MOSMO: variants seen among roughly 807,000 people sequenced by gnomAD.
MOSMO encodes modulator of smoothened protein.
In MOSMO, 5 loss-of-function variants were observed where a neutral mutation model predicts 18.4. That is an observed-to-expected ratio of 0.27 (90% CI 0.14 to 0.57). The LOEUF is 0.57. Ranked by LOEUF, MOSMO falls within the 20% of genes least tolerant of loss-of-function variation. The pLI is 0.92. For synonymous variants in MOSMO, 82 were observed against 82.3 expected (o/e 1.00, Z 0.02); for missense variants, 138 against 211.8 (o/e 0.65, Z 2.16).
At chr16:22,009,804 C>CAAAAAAAAAAAAAAAAAA (rs56313303) in intron 1 of MOSMO, among the ~76,000 whole-genome samples, 2 of 35,966 alleles carry the variant, frequency 5.6e-5, no homozygotes, top group African/African-American at 1.3e-4. Context: ...ACTAAAAATA[C>CAAAAAAAAAAAAAAAAAA]AAAAAAAAAA....
intron 1 of MOSMO, among the ~76,000 whole-genome samples, chr16:22,012,055 C>T (rs1899542892): frequency 6.6e-6 from 1 of 152,064 alleles, no homozygotes; most frequent in African/African-American, 2.4e-5. Context: ...ACAAAAGCCA[C>T]TTAACCTGGC....
intron 1 of MOSMO, among the ~76,000 whole-genome samples, chr16:22,060,205 A>C (rs1383075753): frequency 6.6e-6 from 1 of 152,160 alleles, no homozygotes; most frequent in African/African-American, 2.4e-5. Context: ...TGGACTCAAA[A>C]TATAAAACAT....
Position 22,083,066 on chromosome 16 carries a change from A to C in MOSMO, c.*2186A>C, listed in dbSNP as rs1567517248. On this transcript the variant is annotated 3_prime_UTR_variant, in exon 3 of 3. Coordinates refer to ENST00000542527, the MANE Select transcript of MOSMO (RefSeq NM_001164579.2). ...GTCACCGTTATATACCACTGAGATA[A>C]AGTGTTAGCAAAGTATGGTTCAAAT... 6.6e-6 allele frequency: 1 copy of C among 152,206 alleles called. No homozygotes were observed. The highest frequency in any genetic ancestry group is 2.4e-5 in the African/African-American group (1 of 41,458). The allele number at this position is 152,206 out of a possible 1,614,324, so 9.4% of individuals were successfully genotyped here.
At chr16:22,045,974 C>T (rs546208177) in intron 1 of MOSMO, among the ~76,000 whole-genome samples, 41 of 151,880 alleles carry the variant, frequency 2.7e-4, no homozygotes, top group Non-Finnish European at 4.9e-4. Context: ...TGTGCCGCAC[C>T]CAGTAACTCG....
At chr16:22,064,895 TTTTC>T (rs1048791042) in intron 1 of MOSMO, among the ~76,000 whole-genome samples, 2 of 152,178 alleles carry the variant, frequency 1.3e-5, no homozygotes, top group African/African-American at 4.8e-5. Flanking sequence ...CTTCCACATA[TTTTC>T]TATACATTAT....
intron 1 of MOSMO, among the ~76,000 whole-genome samples, chr16:22,074,223 C>A (rs1598025478): frequency 6.6e-6 from 1 of 152,260 alleles, no homozygotes; most frequent in Admixed American, 6.5e-5. Flanking sequence ...TTGTTCGTGG[C>A]AAGTGCTATG....
chr16:22,088,640 T>C (rs1452816191), downstream of MOSMO, among the ~76,000 whole-genome samples: 1 of 152,204 alleles, frequency 6.6e-6, no homozygotes, highest in Non-Finnish European at 1.5e-5. Flanking sequence ...TAACAGTAAA[T>C]TCATGTGTTA....
chr16:22,043,152 T>C (rs1463407260), intron 1 of MOSMO, among the ~76,000 whole-genome samples: 1 of 152,232 alleles, frequency 6.6e-6, no homozygotes, highest in Non-Finnish European at 1.5e-5. Context: ...ATTTAACATA[T>C]GGAAAATTTT....
At chr16:22,060,230 C>T (rs979691040) in intron 1 of MOSMO, among the ~76,000 whole-genome samples, 1 of 151,978 alleles carries the variant, frequency 6.6e-6, no homozygotes, top group Non-Finnish European at 1.5e-5. Context: ...CCTTCAAGAG[C>T]CATTGCTAAG....
At chr16:22,064,911 TG>T (rs1900720373) in intron 1 of MOSMO, among the ~76,000 whole-genome samples, 1 of 152,186 alleles carries the variant, frequency 6.6e-6, no homozygotes, top group Non-Finnish European at 1.5e-5. Flanking sequence ...ATACATTATA[TG>T]GATAGTTTAA....
At chr16:22,023,075 CTG>C (rs1899797422) in intron 1 of MOSMO, among the ~76,000 whole-genome samples, 3 of 152,230 alleles carry the variant, frequency 2.0e-5, no homozygotes, top group East Asian at 1.9e-4. Flanking sequence ...ATGTGAGACT[CTG>C]TTTTTTTATT....
chr16:22,037,448 C>T (rs1900129881), intron 1 of MOSMO, among the ~76,000 whole-genome samples: 1 of 152,136 alleles, frequency 6.6e-6, no homozygotes, highest in South Asian at 2.1e-4. Context: ...GTTTTTCCTG[C>T]ACTCACCAAG....
rs1900951050 is a variant in MOSMO at position 22,075,617 on chromosome 16, G to A, written c.237G>A (p.Leu79=). 4 of 1,537,378 alleles carry A rather than the reference G, an allele frequency of 2.6e-6. No homozygotes were observed. Among genetic ancestry groups the A allele is most frequent in the Non-Finnish European group, 3.5e-6 (4 of 1,146,938 alleles). ...TTATCATCATGGGAATCATTTCATT[G>A]ACTGTCACATGTGGTTTGCTGGTGG... ...LFFIIMGIIS[L]TVTCGLLVAS... Residue 79 remains leucine, a synonymous_variant, in exon 2 of 3, where the codon TTG becomes TTA. Coordinates refer to ENST00000542527, the MANE Select transcript of MOSMO (RefSeq NM_001164579.2).
chr16:22,065,539 C>A (rs1900732722), intron 1 of MOSMO, among the ~76,000 whole-genome samples: 1 of 152,038 alleles, frequency 6.6e-6, no homozygotes, highest in South Asian at 2.1e-4. Context: ...CCTTAGCACC[C>A]TTTTTATGTT....
At chr16:22,018,164 G>A (rs987674413) in intron 1 of MOSMO, among the ~76,000 whole-genome samples, 2 of 152,074 alleles carry the variant, frequency 1.3e-5, no homozygotes, top group Non-Finnish European at 2.9e-5. Flanking sequence ...AAAGGCAGCT[G>A]TTGACTTTTA....
chr16:22,077,736 T>TA (rs1292294616), intron 2 of MOSMO, among the ~76,000 whole-genome samples: 1 of 152,056 alleles, frequency 6.6e-6, no homozygotes, highest in Non-Finnish European at 1.5e-5. Context: ...TGGGGCTCCC[T>TA]AGTCAAACAG....
chr16:22,024,425 T>C (rs1899833494), intron 1 of MOSMO, among the ~76,000 whole-genome samples: 1 of 151,442 alleles, frequency 6.6e-6, no homozygotes, highest in Admixed American at 6.6e-5. Flanking sequence ...AGAGCAGTGG[T>C]ATGATCTCGG....
chr16:22,049,656 A>G (rs1900383895), intron 1 of MOSMO, among the ~76,000 whole-genome samples: 1 of 152,156 alleles, frequency 6.6e-6, no homozygotes, highest in South Asian at 2.1e-4. Context: ...TTTTCTTTAT[A>G]GTCTGACTTT....
In MOSMO at chr16:22,081,960, A is replaced by G. The variant is rs1173824262; in HGVS notation, c.*1080A>G. Reference sequence around the variant, plus strand: ...AAGGTAAGATCATGTCAAACCTTATAATTTGGGGAATCTGACACTATTTAA... The same window carrying G: ...AAGGTAAGATCATGTCAAACCTTATGATTTGGGGAATCTGACACTATTTAA... On this transcript the variant is annotated 3_prime_UTR_variant, in exon 3 of 3. Transcript: ENST00000542527. The G allele has an allele frequency of 6.6e-6, 1 of 152,176 alleles. No individual in the cohort carries two copies. Among genetic ancestry groups the G allele is most frequent in the Non-Finnish European group, 1.5e-5 (1 of 68,024 alleles). The allele number at this position is 152,176 out of a possible 1,614,324, so 9.4% of individuals were successfully genotyped here. A position where few individuals can be genotyped will look rare whatever the true frequency, so the allele number is the denominator to read the frequency against.
Sources: allele counts gnomAD v4.1 joint callset (sites outside exome capture counted in the v4.1 genomes callset), GRCh38; gene constraint gnomAD v4.1.1; transcripts MANE v1.5; gene names NCBI Gene and HGNC (gene_info 2026-07-23, HGNC 2026-07-21).